The following ANGPT1 variants were observed in gnomAD, a reference collection of about 807,000 sequenced individuals.
ANGPT1 encodes angiopoietin-1.
ANGPT1 carries 17 observed loss-of-function variants against 62.2 expected under a neutral mutation model. The ratio of observed to expected loss-of-function variants is 0.27; its 90% CI spans 0.19 to 0.41. ANGPT1 has a LOEUF of 0.41. Ranked by LOEUF, ANGPT1 falls within the 10% of genes least tolerant of loss-of-function variation. The pLI is 1.00. For missense variants in ANGPT1, 478 were observed against 594.9 expected (o/e 0.80, Z 2.04); for synonymous variants, 199 against 198.9 (o/e 1.00, Z 0.00).
chr8:107,400,439 G>T (rs1178939382), intron 1 of ANGPT1, among the ~76,000 whole-genome samples: 1 of 152,106 alleles, frequency 6.6e-6, no homozygotes, highest in African/African-American at 2.4e-5. Flanking sequence ...CACAGCAGTA[G>T]GCATCAAGCG....
chr8:107,339,824 C>A (rs1020623481), intron 2 of ANGPT1, among the ~76,000 whole-genome samples: 1 of 152,102 alleles, frequency 6.6e-6, no homozygotes, highest in African/African-American at 2.4e-5. Flanking sequence ...GGTAACAGGG[C>A]CGACATGAAT....
intron 1 of ANGPT1, among the ~76,000 whole-genome samples, chr8:107,411,854 T>C (rs1246937232): frequency 1.3e-5 from 2 of 152,090 alleles, no homozygotes; most frequent in Non-Finnish European, 2.9e-5. Flanking sequence ...TCTTCTATAA[T>C]CTGCAGTGTT....
At chr8:107,464,973 C>A (rs1325451453) in intron 1 of ANGPT1, among the ~76,000 whole-genome samples, 1 of 151,952 alleles carries the variant, frequency 6.6e-6, no homozygotes, top group African/African-American at 2.4e-5. Flanking sequence ...GATATTTGGT[C>A]TCCTATAAAA....
intron 1 of ANGPT1, among the ~76,000 whole-genome samples, chr8:107,375,759 C>T (rs1293680622): frequency 1.3e-5 from 2 of 152,148 alleles, no homozygotes; most frequent in East Asian, 1.9e-4. Context: ...AGACTTGGAC[C>T]TCACTGCTCA....
At chr8:107,297,736 A>G (rs924118654) in intron 5 of ANGPT1, among the ~76,000 whole-genome samples, 2 of 149,724 alleles carry the variant, frequency 1.3e-5, no homozygotes, top group East Asian at 2.0e-4. Flanking sequence ...CCACCTTTCT[A>G]TATGTATTAT....
chr8:107,285,394 A>G (rs1814115164), intron 6 of ANGPT1, among the ~76,000 whole-genome samples: 1 of 152,120 alleles, frequency 6.6e-6, no homozygotes, highest in South Asian at 2.1e-4. Flanking sequence ...CTTTTGCACC[A>G]AACTAATAGA....
chr8:107,423,827 C>CTTTTT (rs869079818), intron 1 of ANGPT1, among the ~76,000 whole-genome samples: 959 of 74,554 alleles, frequency 0.013, 7 homozygotes, highest in Middle Eastern at 0.016. Context: ...CTTTTCCTTT[C>CTTTTT]TTTTTTTTTT....
At chr8:107,344,621 G>A (rs1210630058) in intron 2 of ANGPT1, among the ~76,000 whole-genome samples, 4 of 152,194 alleles carry the variant, frequency 2.6e-5, no homozygotes, top group African/African-American at 9.6e-5. Flanking sequence ...AAAGCAATAA[G>A]TTAATTATTT....
At position 107,428,087 on chromosome 8, in the gene ANGPT1, G is replaced by A. The variant is rs181524790; in HGVS notation, c.297+69175C>T. Among the ~76,000 whole-genome samples the A allele has an allele frequency of 2.0e-5, 3 of 152,298 alleles. No individual in the cohort carries two copies. In the East Asian group the frequency reaches 5.8e-4, roughly 29 times the overall value. On this transcript the variant is annotated intron_variant, in intron 1 of 8. Coordinates refer to ENST00000517746, the MANE Select transcript of ANGPT1 (RefSeq NM_001146.5). ...AAGGCAGCACTGTAATTTCCATATG[G>A]CCTTTCATGTGACCTTTCTCCACTT...
intron 1 of ANGPT1, among the ~76,000 whole-genome samples, chr8:107,399,223 C>A (rs967112586): frequency 3.3e-5 from 5 of 152,114 alleles, no homozygotes; most frequent in African/African-American, 1.2e-4. Flanking sequence ...TGTTTTCTGA[C>A]CTTCTTTCTG....
At chr8:107,463,780 A>G (rs1812130774) in intron 1 of ANGPT1, among the ~76,000 whole-genome samples, 1 of 152,152 alleles carries the variant, frequency 6.6e-6, no homozygotes. Flanking sequence ...GTTCCCTAGA[A>G]TAAATTAAAG....
intron 1 of ANGPT1, among the ~76,000 whole-genome samples, chr8:107,406,706 G>A (rs112498493): frequency 1.3e-3 from 196 of 151,816 alleles, no homozygotes; most frequent in African/African-American, 3.9e-3. Flanking sequence ...CCTTTTTGTC[G>A]TTTATAATAA....
chr8:107,470,156 C>T (rs930873557), intron 1 of ANGPT1, among the ~76,000 whole-genome samples: 3 of 151,810 alleles, frequency 2.0e-5, no homozygotes, highest in African/African-American at 7.3e-5. Context: ...TTTTGTTTTA[C>T]AATAAATATT....
intron 6 of ANGPT1, among the ~76,000 whole-genome samples, chr8:107,286,659 G>C (rs1019158698): frequency 2.0e-5 from 3 of 151,996 alleles, no homozygotes; most frequent in Non-Finnish European, 2.9e-5. Flanking sequence ...TTTTTTGATA[G>C]GCTGAATATG....
Position 107,387,800 on chromosome 8 carries a change from A to G in ANGPT1, c.298-40703T>C, listed in dbSNP as rs188885997. ...ATCTCTACCTAGGTTTTTTTTTAAGATTAAATTTTGTATTATAGGAGGAAC... is the reference window on the plus strand; with the variant it reads ...ATCTCTACCTAGGTTTTTTTTTAAGGTTAAATTTTGTATTATAGGAGGAAC... On this transcript the variant is annotated intron_variant, in intron 1 of 8. Transcript: ENST00000517746. Among the ~76,000 whole-genome samples, 806 of 151,842 alleles carry G rather than the reference A, an allele frequency of 5.3e-3. 4 individuals are homozygous for G. Among genetic ancestry groups the G allele is most frequent in the Non-Finnish European group, 8.5e-3 (576 of 67,936 alleles).
chr8:107,378,619 G>A (rs1816575176), intron 1 of ANGPT1, among the ~76,000 whole-genome samples: 1 of 152,042 alleles, frequency 6.6e-6, no homozygotes, highest in African/African-American at 2.4e-5. Context: ...TGGGGGTTGG[G>A]ACCTGTTGGG....
intron 1 of ANGPT1, among the ~76,000 whole-genome samples, chr8:107,385,943 C>T (rs1816723974): frequency 6.6e-6 from 1 of 151,962 alleles, no homozygotes; most frequent in African/African-American, 2.4e-5. Context: ...TATTGATTTG[C>T]ATATGTTAAA....
At chr8:107,284,116 C>T (rs921724385) in intron 7 of ANGPT1, 1 of 152,252 alleles carries the variant, frequency 6.6e-6, no homozygotes, top group Admixed American at 6.5e-5. Context: ...TTTACATCTG[C>T]AATCATGTAT....
intron 1 of ANGPT1, among the ~76,000 whole-genome samples, chr8:107,427,071 T>C (rs1187732418): frequency 2.0e-5 from 3 of 152,208 alleles, no homozygotes; most frequent in Admixed American, 6.6e-5. Context: ...AGAATATGGG[T>C]CCACACTCTG....
Sources: gnomAD v4.1 joint callset for allele counts (sites outside exome capture counted in the v4.1 genomes callset) on GRCh38, gnomAD v4.1.1 for gene constraint, MANE v1.5 for transcripts, NCBI Gene and HGNC (gene_info 2026-07-23, HGNC 2026-07-21) for gene names.